Variants in LOXL2 observed in about 807,000 individuals in gnomAD.
LOXL2 encodes lysyl oxidase like 2, also known as lysyl oxidase homolog 2.
LOXL2 carries 70 observed loss-of-function variants against 93.0 expected under a neutral mutation model. That is an observed-to-expected ratio of 0.75 (90% CI 0.62 to 0.92). The LOEUF (loss-of-function observed/expected upper bound fraction) is 0.92. Among genes scored for constraint, LOXL2 ranks in the 40% least tolerant of loss-of-function variants. The pLI is 0.00. For missense variants in LOXL2, 973 were observed against 1,054.9 expected (o/e 0.92, Z 1.08); for synonymous variants, 438 against 413.2 (o/e 1.06, Z -0.73).
chr8:23,335,667 G>A (rs1258617777), intron 4 of LOXL2, among the ~76,000 whole-genome samples: 1 of 152,080 alleles, frequency 6.6e-6, no homozygotes, highest in Non-Finnish European at 1.5e-5. Context: ...TCCCTGCACG[G>A]CAGGACCCAG....
chr8:23,381,755 C>T (rs937178682), intron 1 of LOXL2, among the ~76,000 whole-genome samples: 3 of 152,216 alleles, frequency 2.0e-5, no homozygotes, highest in East Asian at 1.9e-4. Flanking sequence ...TGGGTGACCG[C>T]GCTGCCTCCT....
chr8:23,371,751 CAAAAAAAAAAAAAAAAAAAA>C (rs55780832), intron 1 of LOXL2, among the ~76,000 whole-genome samples: 6 of 43,888 alleles, frequency 1.4e-4, no homozygotes, highest in Admixed American at 3.7e-4. Context: ...GAGTCTGTCT[CAAAAAAAAAAAAAAAAAAAA>C]AAAAAAAAAA....
chr8:23,388,893 G>T (rs1804804017), intron 1 of LOXL2, among the ~76,000 whole-genome samples: 1 of 151,952 alleles, frequency 6.6e-6, no homozygotes. Flanking sequence ...GAAGAGGGCT[G>T]GGTTGGAGGG....
chr8:23,303,418 C>T, intron 10 of LOXL2, 21 bp from the exon 11 acceptor site: 1 of 1,434,538 alleles, frequency 7.0e-7, no homozygotes, highest in South Asian at 1.1e-5. Flanking sequence ...AGAGAGATGG[C>T]CTGGAGGTCA....
At chr8:23,402,795 ATT>A (rs954886268) in intron 1 of LOXL2, 1 of 151,540 alleles carries the variant, frequency 6.6e-6, no homozygotes, top group African/African-American at 2.4e-5. Context: ...AAAAAAAAGT[ATT>A]GTTTTTGAGA....
rs193166472 is a variant in LOXL2, at chr8:23,300,524, C to G, written c.2133+1503G>C. ...TGAAGTGAAGACCACCTCTTGTGTC[C>G]CGTGAGTCCCCAGGCCGGTGCTTGT... On this transcript the variant is annotated intron_variant, in intron 12 of 13. Coordinates refer to ENST00000389131, the MANE Select transcript of LOXL2 (RefSeq NM_002318.3). Among the ~76,000 whole-genome samples, 906 of 152,320 alleles carry G rather than the reference C, an allele frequency of 5.9e-3. 7 individuals are homozygous for G. Among genetic ancestry groups the G allele is most frequent in the Non-Finnish European group, 0.01 (694 of 68,026 alleles).
Position 23,316,231 on chromosome 8 carries a change from C to T in LOXL2, c.1636+718G>A, listed in dbSNP as rs74674794. On this transcript the variant is annotated intron_variant, in intron 9 of 13. Transcript: ENST00000389131. ...CTTGATTTCTAATTTCTAAGGAAAA[C>T]TACAACTAAAGACCACAGAGGCTGA... Among the ~76,000 whole-genome samples, 656 of 152,320 alleles carry T rather than the reference C, an allele frequency of 4.3e-3. 7 individuals are homozygous for T. The highest frequency in any genetic ancestry group is 0.015 in the African/African-American group (622 of 41,568).
chr8:23,379,732 C>T (rs1313016063), intron 1 of LOXL2, among the ~76,000 whole-genome samples: 2 of 152,352 alleles, frequency 1.3e-5, no homozygotes, highest in South Asian at 4.1e-4. Flanking sequence ...GTGGGACCCC[C>T]CGAGCCAGGC....
chr8:23,360,109 G>A lies in LOXL2; in HGVS notation c.512C>T (p.Ser171Leu), dbSNP rs201211677. ...ACTTGCCTCTATCTGGTTGATCAAC[G>A]AATTGTCAAATTTGAACCCAGGAAT... Reference protein sequence around the residue: ...KRIPGFKFDNSLINQIENLNI... With the variant: ...KRIPGFKFDNLLINQIENLNI... The change falls in exon 3 of 14, where the codon TCG becomes TTG. Residue 171 changes from serine to leucine, a missense_variant. Transcript: ENST00000389131. 6.7e-5 allele frequency: 108 copies of A among 1,604,496 alleles called. No individual in the cohort carries two copies. Among genetic ancestry groups the A allele is most frequent in the Admixed American group, 5.0e-4 (30 of 59,904 alleles).
At chr8:23,306,185 C>A (rs988459977) in intron 10 of LOXL2, among the ~76,000 whole-genome samples, 3 of 152,154 alleles carry the variant, frequency 2.0e-5, no homozygotes, top group African/African-American at 7.2e-5. Context: ...GCAGATAAAG[C>A]TGGTTCAGAG....
At chr8:23,337,882 C>A (rs1803818846) in intron 4 of LOXL2, among the ~76,000 whole-genome samples, 1 of 152,192 alleles carries the variant, frequency 6.6e-6, no homozygotes, top group South Asian at 2.1e-4. Context: ...CTACTTTTGG[C>A]AAGCCTGTGG....
rs377090082 is a variant in LOXL2, at chr8:23,328,605, G to A, written c.967-40C>T. On this transcript the variant is annotated intron_variant, in intron 5 of 13. Transcript: ENST00000389131. ...GGTCCTGCTGAGTACAGACGCTGAT[G>A]CACGTTCAGCGGGTGACCACTGTCC... is the stretch of plus-strand genomic sequence containing the variant. 13 of 1,583,250 alleles carry A rather than the reference G, an allele frequency of 8.2e-6. No homozygotes were observed. In the African/African-American group the frequency reaches 1.5e-4, roughly 18 times the overall value.
At chr8:23,395,282 A>G (rs577519777) in intron 1 of LOXL2, among the ~76,000 whole-genome samples, 2 of 151,374 alleles carry the variant, frequency 1.3e-5, no homozygotes, top group African/African-American at 4.9e-5. Flanking sequence ...AAACAACAAC[A>G]AAAAAACCAT....
intron 1 of LOXL2, among the ~76,000 whole-genome samples, chr8:23,381,402 C>T (rs994113612): frequency 2.0e-5 from 3 of 152,064 alleles, no homozygotes; most frequent in Admixed American, 6.6e-5. Flanking sequence ...CTATATGAAC[C>T]ACCTTCCAGA....
At chr8:23,389,311 TTGAAGCTAC>T (rs1262480553) in intron 1 of LOXL2, among the ~76,000 whole-genome samples, 14 of 152,208 alleles carry the variant, frequency 9.2e-5, no homozygotes, top group Admixed American at 3.9e-4. Flanking sequence ...AAGATTTTTA[TTGAAGCTAC>T]TGAAATTTTT....
intron 1 of LOXL2, among the ~76,000 whole-genome samples, chr8:23,389,962 C>T (rs1296059809): frequency 2.0e-5 from 3 of 152,328 alleles, no homozygotes; most frequent in African/African-American, 7.2e-5. Context: ...AGTGCCCTAC[C>T]CTGCCAAGGA....
At chr8:23,308,480 G>A (rs1406206516) in intron 10 of LOXL2, among the ~76,000 whole-genome samples, 1 of 152,234 alleles carries the variant, frequency 6.6e-6, no homozygotes, top group Non-Finnish European at 1.5e-5. Flanking sequence ...CACGCCTGTA[G>A]CCCCTCGGGG....
chr8:23,370,096 G>A (rs1413079698), intron 1 of LOXL2, among the ~76,000 whole-genome samples: 1 of 152,106 alleles, frequency 6.6e-6, no homozygotes, highest in East Asian at 1.9e-4. Flanking sequence ...GGATACAAAA[G>A]CCTTTATGTG....
chr8:23,319,844 C>A (rs777966823), intron 8 of LOXL2, 41 bp downstream of exon 8: 10 of 1,599,858 alleles, frequency 6.3e-6, no homozygotes, highest in Non-Finnish European at 6.8e-6. Context: ...GGTCAGACTG[C>A]ATGGGGGGTG....
Sources: gnomAD v4.1 joint callset for allele counts (sites outside exome capture counted in the v4.1 genomes callset) on GRCh38, gnomAD v4.1.1 for gene constraint, MANE v1.5 for transcripts, NCBI Gene and HGNC (gene_info 2026-07-23, HGNC 2026-07-21) for gene names.